Variants in BIRC2 observed in about 807,000 individuals in gnomAD.
BIRC2 encodes the protein baculoviral IAP repeat containing 2, also known as baculoviral IAP repeat-containing protein 2.
In BIRC2, 18 loss-of-function variants were observed where a neutral mutation model predicts 60.9. The observed-to-expected ratio is 0.30, with a 90% CI of 0.20 to 0.44. The LOEUF (loss-of-function observed/expected upper bound fraction) is 0.44. Ranked by LOEUF, BIRC2 falls within the 20% of genes least tolerant of loss-of-function variation. The pLI, the probability that BIRC2 is intolerant of heterozygous loss-of-function variation, is 1.00. For missense variants in BIRC2, 701 were observed against 728.5 expected (o/e 0.96, Z 0.43); for synonymous variants, 282 against 247.7 (o/e 1.14, Z -1.30).
At chr11:102,351,568 T>C (rs1007213619) in intron 3 of BIRC2, among the ~76,000 whole-genome samples, 2 of 143,524 alleles carry the variant, frequency 1.4e-5, no homozygotes, top group African/African-American at 5.3e-5. Flanking sequence ...TGAGCCAGGA[T>C]TGTGCCACTG....
At chr11:102,353,518 AT>A (rs1464082806) in intron 3 of BIRC2, among the ~76,000 whole-genome samples, 1 of 151,904 alleles carries the variant, frequency 6.6e-6, no homozygotes, top group Admixed American at 6.6e-5. Context: ...CAGTTTCGCT[AT>A]GTTGGCCAGT....
chr11:102,374,441 T>G (rs1951678017), intron 6 of BIRC2, among the ~76,000 whole-genome samples: 1 of 148,618 alleles, frequency 6.7e-6, no homozygotes, highest in South Asian at 2.2e-4. Context: ...GAGGTGTCAG[T>G]GTGCCCCTGC....
At position 102,350,496 on chromosome 11, in the gene BIRC2, T is replaced by C. The variant is rs748609616; in HGVS notation, c.642T>C (p.Pro214=). The change falls in exon 2 of 9, where the codon CCT becomes CCC. Residue 214 remains proline, a synonymous_variant. Coordinates refer to ENST00000227758, the MANE Select transcript of BIRC2 (RefSeq NM_001166.5). Reference sequence around the variant, plus strand: ...GAGCTGGTTTTTATTATATAGGACCTGGAGATAGGGTAGCCTGCTTTGCCT... The same window carrying C: ...GAGCTGGTTTTTATTATATAGGACCCGGAGATAGGGTAGCCTGCTTTGCCT... ...LARAGFYYIG[P]GDRVACFACG... 1 of 1,614,070 alleles carries C rather than the reference T, an allele frequency of 6.2e-7. No individual in the cohort carries two copies. Among genetic ancestry groups the C allele is most frequent in the Non-Finnish European group, 8.5e-7 (1 of 1,180,048 alleles).
chr11:102,363,327 T>G (rs1173944185), intron 4 of BIRC2, among the ~76,000 whole-genome samples: 1 of 152,220 alleles, frequency 6.6e-6, no homozygotes, highest in African/African-American at 2.4e-5. Flanking sequence ...AGTGTCTCTT[T>G]GCTGTTTTCC....
chr11:102,359,399 A>G (rs1951459525), intron 3 of BIRC2, among the ~76,000 whole-genome samples: 1 of 152,174 alleles, frequency 6.6e-6, no homozygotes. Flanking sequence ...CAAATTTAGT[A>G]TATTATTAAT....
intron 6 of BIRC2, among the ~76,000 whole-genome samples, chr11:102,368,898 T>G (rs1045221411): frequency 6.6e-6 from 1 of 152,018 alleles, no homozygotes. Context: ...ATGCAGGTCT[T>G]TTTTCAACCT....
intron 1 of BIRC2, among the ~76,000 whole-genome samples, chr11:102,348,117 A>G (rs35100435): frequency 7.9e-5 from 12 of 152,204 alleles, no homozygotes; most frequent in Admixed American, 6.5e-4. Flanking sequence ...TTAAGAGTTT[A>G]TATTAATGAA....
At chr11:102,366,533 A>AT (rs879332494) in intron 5 of BIRC2, among the ~76,000 whole-genome samples, 2 of 151,734 alleles carry the variant, frequency 1.3e-5, no homozygotes, top group Non-Finnish European at 2.9e-5. Context: ...CGCCCGGCTA[A>AT]TTTTTTGTAT....
In BIRC2 at chr11:102,361,207, G is replaced by A. The variant is rs566678590; in HGVS notation, c.996-1689G>A. Among the ~76,000 whole-genome samples, 226 of 152,272 alleles carry A rather than the reference G, an allele frequency of 1.5e-3. 2 individuals are homozygous for A. The highest frequency in any genetic ancestry group is 5.0e-3 in the African/African-American group (207 of 41,544). ...TGCAAGTGTTTGCAGAAAGACAGCG[G>A]GTCTTGGGTTCAGGATGTTGACTAG... On this transcript the variant is annotated intron_variant, in intron 3 of 8. Transcript: ENST00000227758.
intron 3 of BIRC2, among the ~76,000 whole-genome samples, chr11:102,356,114 C>T (rs1430921242): frequency 6.6e-6 from 1 of 151,940 alleles, no homozygotes; most frequent in East Asian, 1.9e-4. Context: ...CTCTGGCTAA[C>T]CCTTCCAGTA....
Position 102,349,825 on chromosome 11 carries a change from T to C in BIRC2, c.-30T>C. 6.5e-7 allele frequency: 1 copy of C among 1,527,874 alleles called. No individual in the cohort carries two copies. Among genetic ancestry groups the C allele is most frequent in the Non-Finnish European group, 8.8e-7 (1 of 1,139,276 alleles). 94.6% of individuals were successfully genotyped at this position (1,527,874 alleles called of 1,614,324 possible). A position where few individuals can be genotyped will look rare whatever the true frequency, so the allele number is the denominator to read the frequency against. ...TGTGAAGAAATTTCATGTGAATGTTTTAGCTATCAAACAGTACTGTCACCT... is the reference window on the plus strand; with the variant it reads ...TGTGAAGAAATTTCATGTGAATGTTCTAGCTATCAAACAGTACTGTCACCT... On this transcript the variant is annotated 5_prime_UTR_variant, in exon 2 of 9. Coordinates refer to ENST00000227758, the MANE Select transcript of BIRC2 (RefSeq NM_001166.5).
In BIRC2 at chr11:102,378,066, T is replaced by C. The variant is rs573663987; in HGVS notation, c.1740T>C (p.Ser580=). 6.2e-7 allele frequency: 1 copy of C among 1,613,754 alleles called. No individual in the cohort carries two copies. The highest frequency in any genetic ancestry group is 2.2e-5 in the East Asian group (1 of 44,862). ...AAGTGTGTATGGACAAAGAAGTTTC[T>C]GTTGTATTTATTCCTTGTGGTCATC... ...TCKVCMDKEV[S]VVFIPCGHLV... Residue 580 remains serine, a synonymous_variant, in exon 9 of 9, where the codon TCT becomes TCC. Coordinates refer to ENST00000227758, the MANE Select transcript of BIRC2 (RefSeq NM_001166.5).
At chr11:102,374,442 G>C (rs879275553) in intron 6 of BIRC2, among the ~76,000 whole-genome samples, 144 of 148,806 alleles carry the variant, frequency 9.7e-4, no homozygotes, top group East Asian at 8.3e-3. Flanking sequence ...AGGTGTCAGT[G>C]TGCCCCTGCT....
At chr11:102,369,524 A>G (rs1226364374) in intron 6 of BIRC2, among the ~76,000 whole-genome samples, 2 of 149,454 alleles carry the variant, frequency 1.3e-5, no homozygotes, top group East Asian at 2.0e-4. Context: ...ATAGTATTCC[A>G]TGGTGTATAT....
At chr11:102,352,259 G>T (rs957637594) in intron 3 of BIRC2, among the ~76,000 whole-genome samples, 2 of 151,692 alleles carry the variant, frequency 1.3e-5, no homozygotes, top group Admixed American at 6.6e-5. Context: ...GACTACAGGC[G>T]CCCGCTGCCA....
At chr11:102,376,251 C>T (rs1030832523) in intron 6 of BIRC2, among the ~76,000 whole-genome samples, 3 of 152,168 alleles carry the variant, frequency 2.0e-5, no homozygotes, top group African/African-American at 7.2e-5. Context: ...AAATACCTGA[C>T]TGCTACCTAG....
intron 5 of BIRC2, among the ~76,000 whole-genome samples, chr11:102,366,675 C>A (rs1177414370): frequency 6.6e-6 from 1 of 151,960 alleles, no homozygotes; most frequent in African/African-American, 2.4e-5. Flanking sequence ...GGCCCTCCAC[C>A]ACTATTAACC....
intron 6 of BIRC2, among the ~76,000 whole-genome samples, chr11:102,374,047 G>A (rs1336671379): frequency 4.3e-5 from 6 of 139,834 alleles, no homozygotes; most frequent in African/African-American, 8.2e-5. Flanking sequence ...CTCTGTATTG[G>A]TTATTCTAGT....
At chr11:102,373,032 C>A (rs1281625829) in intron 6 of BIRC2, among the ~76,000 whole-genome samples, 6 of 150,810 alleles carry the variant, frequency 4.0e-5, no homozygotes, top group South Asian at 2.1e-4. Flanking sequence ...AGATCTTCCT[C>A]CATCCTTTTA....
Sources: gnomAD v4.1 joint callset for allele counts (sites outside exome capture counted in the v4.1 genomes callset) on GRCh38, gnomAD v4.1.1 for gene constraint, MANE v1.5 for transcripts, NCBI Gene and HGNC (gene_info 2026-07-23, HGNC 2026-07-21) for gene names.